Variants in SGCZ observed in about 807,000 individuals in gnomAD.
SGCZ encodes sarcoglycan zeta.
SGCZ carries 40 observed loss-of-function variants against 41.3 expected under a neutral mutation model. That is an observed-to-expected ratio of 0.97 (90% CI 0.75 to 1.26). The LOEUF is 1.26. SGCZ is among the 50% of genes most tolerant of loss of function. The probability of loss-of-function intolerance (pLI) is 0.00; values close to 1 mark genes in which losing one functional copy is unlikely to be tolerated. For missense variants in SGCZ, 552 were observed against 369.8 expected (o/e 1.49, Z -4.04); for synonymous variants, 206 against 137.5 (o/e 1.50, Z -3.49).
chr8:15,039,502 C>T lies in SGCZ; in HGVS notation c.39+198083G>A, dbSNP rs574231523. Among the ~76,000 whole-genome samples the T allele has an allele frequency of 8.2e-4, 124 of 152,098 alleles. 1 individual carries two copies. Among genetic ancestry groups the T allele is most frequent in the Non-Finnish European group, 1.4e-3 (98 of 68,004 alleles). On this transcript the variant is annotated intron_variant, in intron 1 of 7. Coordinates refer to ENST00000382080, the MANE Select transcript of SGCZ (RefSeq NM_139167.4). ...GTGGGGTTGGGAAAATCAAAGGATG[C>T]AAAATGTCAGTTACAGAGGAAGAAT...
intron 1 of SGCZ, among the ~76,000 whole-genome samples, chr8:14,662,392 G>A (rs144638958): frequency 3.6e-4 from 55 of 152,226 alleles, no homozygotes; most frequent in Non-Finnish European, 6.0e-4. Flanking sequence ...CCACATAAAT[G>A]CTATCAGGAA....
intron 5 of SGCZ, among the ~76,000 whole-genome samples, chr8:14,127,333 G>A (rs546655080): frequency 2.0e-5 from 3 of 152,200 alleles, no homozygotes; most frequent in South Asian, 2.1e-4. Flanking sequence ...CCTAAATACT[G>A]AGGAGCAAAT....
intron 1 of SGCZ, among the ~76,000 whole-genome samples, chr8:15,182,307 A>C (rs1183944307): frequency 6.6e-6 from 1 of 152,200 alleles, no homozygotes; most frequent in Non-Finnish European, 1.5e-5. Context: ...TAATGCAGTC[A>C]TGTGCCCCTT....
intron 3 of SGCZ, among the ~76,000 whole-genome samples, chr8:14,269,873 CATGT>C (rs1800003293): frequency 6.6e-6 from 1 of 151,968 alleles, no homozygotes; most frequent in Admixed American, 6.6e-5. Context: ...TGTGTGCTGT[CATGT>C]ATGTTTATTT....
intron 1 of SGCZ, among the ~76,000 whole-genome samples, chr8:15,107,766 C>G (rs892428331): frequency 6.6e-6 from 1 of 152,204 alleles, no homozygotes; most frequent in Non-Finnish European, 1.5e-5. Context: ...GAGTTCACTT[C>G]TGAAATCATT....
chr8:14,233,838 C>A (rs1260175410), intron 4 of SGCZ, among the ~76,000 whole-genome samples: 6 of 151,620 alleles, frequency 4.0e-5, no homozygotes, highest in African/African-American at 1.2e-4. Context: ...AAATTTTGAC[C>A]TGGAGAATGG....
intron 2 of SGCZ, among the ~76,000 whole-genome samples, chr8:14,528,886 A>T (rs571724990): frequency 6.6e-5 from 10 of 151,998 alleles, no homozygotes; most frequent in African/African-American, 2.4e-4. Context: ...CAAATTTATA[A>T]AAGAAGCATT....
chr8:14,197,688 T>C (rs1805310801), intron 4 of SGCZ, among the ~76,000 whole-genome samples: 1 of 152,042 alleles, frequency 6.6e-6, no homozygotes, highest in African/African-American at 2.4e-5. Flanking sequence ...TTTACAGAAA[T>C]CCTAAATCTA....
rs113312172 is a variant in SGCZ, at chr8:15,045,737, T to A, written c.39+191848A>T. The stretch of plus-strand genomic sequence containing the variant: ...TCTCTCATCAGAGTTGAAGACCCTA[T>A]CCATCAGCCAAATTGATTGCAAGTG... On this transcript the variant is annotated intron_variant, in intron 1 of 7. Transcript: ENST00000382080. 7.1e-3 allele frequency among the ~76,000 whole-genome samples: 1,076 copies of A among 152,146 alleles called. 13 individuals carry two copies. Among genetic ancestry groups the A allele is most frequent in the African/African-American group, 0.02 (813 of 41,524 alleles).
chr8:14,364,830 C>T (rs1183009214), intron 2 of SGCZ, among the ~76,000 whole-genome samples: 1 of 151,942 alleles, frequency 6.6e-6, no homozygotes, highest in African/African-American at 2.4e-5. Flanking sequence ...CCATGGTGTT[C>T]TTCATTGAAG....
intron 1 of SGCZ, among the ~76,000 whole-genome samples, chr8:14,729,073 C>G (rs1398703532): frequency 1.3e-5 from 2 of 152,134 alleles, no homozygotes; most frequent in African/African-American, 4.8e-5. Context: ...ATTTAAAATT[C>G]ATATTACCAT....
rs191606118 is a variant in SGCZ at position 14,750,966 on chromosome 8, G to T, written c.40-196040C>A. ...AGGCTGACATGGTTAATAACAGGCTGTTCAATTGAAGCATTGTTATGAACC... is the reference window on the plus strand; with the variant it reads ...AGGCTGACATGGTTAATAACAGGCTTTTCAATTGAAGCATTGTTATGAACC... On this transcript the variant is annotated intron_variant, in intron 1 of 7. Transcript: ENST00000382080. Among the ~76,000 whole-genome samples, 244 of 152,240 alleles carry T rather than the reference G, an allele frequency of 1.6e-3. 4 individuals are homozygous for T. In the Middle Eastern group the frequency reaches 0.021, roughly 13 times the overall value.
intron 1 of SGCZ, among the ~76,000 whole-genome samples, chr8:14,948,626 T>C (rs921292196): frequency 6.6e-6 from 1 of 152,156 alleles, no homozygotes; most frequent in Admixed American, 6.6e-5. Flanking sequence ...TGTTCCTTTT[T>C]AATAAAAGTG....
At chr8:15,169,429 G>C (rs754609727) in intron 1 of SGCZ, among the ~76,000 whole-genome samples, 2 of 152,164 alleles carry the variant, frequency 1.3e-5, no homozygotes, top group Non-Finnish European at 2.9e-5. Flanking sequence ...AGGGACTCCA[G>C]TCAAACGAGA....
intron 4 of SGCZ, among the ~76,000 whole-genome samples, chr8:14,198,989 T>C (rs1359246788): frequency 1.3e-5 from 2 of 152,164 alleles, no homozygotes; most frequent in African/African-American, 2.4e-5. Flanking sequence ...ACTGCACAAA[T>C]TGTTTGTAGA....
chr8:14,164,812 T>C, intron 4 of SGCZ, 110 bp from the exon 5 acceptor site: 1 of 1,313,496 alleles, frequency 7.6e-7, no homozygotes, highest in Non-Finnish European at 1.0e-6. Flanking sequence ...TGTTTATCTC[T>C]GCTGTATGTT....
chr8:14,445,903 T>A (rs34430367), intron 2 of SGCZ, among the ~76,000 whole-genome samples: 5,542 of 152,124 alleles, frequency 0.036, 314 homozygotes, highest in African/African-American at 0.13. Context: ...AACTCATGCC[T>A]GATCTGGCCA....
At chr8:14,869,673 T>C (rs989302069) in intron 1 of SGCZ, among the ~76,000 whole-genome samples, 1 of 152,172 alleles carries the variant, frequency 6.6e-6, no homozygotes, top group East Asian at 1.9e-4. Context: ...ATGACATAAA[T>C]GTATATTTAG....
intron 2 of SGCZ, among the ~76,000 whole-genome samples, chr8:14,533,121 T>A (rs1368568255): frequency 6.6e-6 from 1 of 151,926 alleles, no homozygotes; most frequent in African/African-American, 2.4e-5. Flanking sequence ...ATTAGGTATA[T>A]CTCCTAATGC....
Sources: allele counts gnomAD v4.1 joint callset (sites outside exome capture counted in the v4.1 genomes callset), GRCh38; gene constraint gnomAD v4.1.1; transcripts MANE v1.5; gene names NCBI Gene and HGNC (gene_info 2026-07-23, HGNC 2026-07-21).